The following YIPF1 variants were observed in gnomAD, a reference collection of about 807,000 sequenced individuals.
YIPF1 encodes protein YIPF1.
Under a neutral mutation model 37.0 loss-of-function variants are expected in YIPF1, and 22 were observed. That is an observed-to-expected ratio of 0.59 (90% CI 0.42 to 0.85). The LOEUF is 0.85. Among genes scored for constraint, YIPF1 ranks in the 40% least tolerant of loss-of-function variants. YIPF1 has a pLI of 0.00. For missense variants in YIPF1, 355 were observed against 373.1 expected (o/e 0.95, Z 0.40); for synonymous variants, 128 against 131.9 (o/e 0.97, Z 0.21).
chr1:53,860,237 T>G, intron 9 of YIPF1, 84 bp from the exon 10 acceptor site: 1 of 1,281,812 alleles, frequency 7.8e-7, no homozygotes, highest in Non-Finnish European at 1.1e-6. Flanking sequence ...CTAACAGTAC[T>G]TTTGGACTCT....
chr1:53,860,902 TC>T (rs1204657128), intron 9 of YIPF1, among the ~76,000 whole-genome samples: 2 of 152,152 alleles, frequency 1.3e-5, no homozygotes, highest in East Asian at 3.8e-4. Flanking sequence ...AAAATACCAA[TC>T]TCACTACCCT....
rs1328566115 is a variant in YIPF1 at position 53,883,412 on chromosome 1, A to G, written c.32-136T>C. 3.2e-6 allele frequency: 3 copies of G among 949,060 alleles called. No homozygotes were observed. In the African/African-American group the frequency reaches 5.2e-5, roughly 16 times the overall value. 58.8% of individuals were successfully genotyped at this position (949,060 alleles called of 1,614,324 possible). A position where few individuals can be genotyped will look rare whatever the true frequency, so the allele number is the denominator to read the frequency against. ...CTGATACAAAGGGCAAAAGCTTTGAAAAACAAAAAATCTCATCAGGAGATC... is the reference window on the plus strand; with the variant it reads ...CTGATACAAAGGGCAAAAGCTTTGAGAAACAAAAAATCTCATCAGGAGATC... On this transcript the variant is annotated intron_variant, in intron 3 of 10. Coordinates refer to ENST00000072644, the MANE Select transcript of YIPF1 (RefSeq NM_018982.5).
In YIPF1 at chr1:53,886,372, G is replaced by A. The variant is rs551453934; in HGVS notation, c.31+2535C>T. Among the ~76,000 whole-genome samples, 16 of 152,044 alleles carry A rather than the reference G, an allele frequency of 1.1e-4. 1 individual carries two copies. Among genetic ancestry groups the A allele is most frequent in the African/African-American group, 3.6e-4 (15 of 41,318 alleles). On this transcript the variant is annotated intron_variant, in intron 3 of 10. Transcript: ENST00000072644. ...ATTCTTGTCCATCTCAGCTCCTTGA[G>A]CATAAAACTGGTATGTGTCTTATTT...
At chr1:53,879,768 G>A (rs116171175) in intron 4 of YIPF1, among the ~76,000 whole-genome samples, 1,600 of 152,316 alleles carry the variant, frequency 0.011, 14 homozygotes, top group Non-Finnish European at 0.017. Flanking sequence ...GCTGTGGTCT[G>A]CAGCACTCAC....
At chr1:53,887,923 G>C (rs1363515625) in intron 3 of YIPF1, among the ~76,000 whole-genome samples, 1 of 152,194 alleles carries the variant, frequency 6.6e-6, no homozygotes, top group Non-Finnish European at 1.5e-5. Context: ...TGTTAGGTAA[G>C]GTGTTAATAA....
intron 4 of YIPF1, among the ~76,000 whole-genome samples, chr1:53,881,610 G>C (rs1191853763): frequency 6.6e-6 from 1 of 152,054 alleles, no homozygotes; most frequent in African/African-American, 2.4e-5. Flanking sequence ...ACATATGAAA[G>C]AAAGCTCAAT....
chr1:53,866,818 A>T lies in YIPF1; in HGVS notation c.588T>A (p.Tyr196Ter). ...AGACACACACAATCTCCAGAAATGA[A>T]TAGGAGACGATGTTCATAACTTTGC... ...RNSKVMNIVS[Y>*]SFLEIVCVYG... Residue 196 changes from tyrosine to a stop codon, truncating the protein, a stop_gained, in exon 8 of 11, where the codon TAT becomes TAA. Transcript: ENST00000072644. LOFTEE classifies it high-confidence loss of function. 2 of 1,614,218 alleles carry T rather than the reference A, an allele frequency of 1.2e-6. No individual in the cohort carries two copies. The highest frequency in any genetic ancestry group is 1.7e-6 in the Non-Finnish European group (2 of 1,180,026).
chr1:53,882,971 C>T, intron 4 of YIPF1, 142 bp downstream of exon 4: 1 of 916,900 alleles, frequency 1.1e-6, no homozygotes, highest in South Asian at 2.3e-5. Flanking sequence ...TGCCTGTTTC[C>T]CCCACCAAGG....
intron 3 of YIPF1, among the ~76,000 whole-genome samples, chr1:53,884,851 G>A (rs1650602685): frequency 6.6e-6 from 1 of 152,198 alleles, no homozygotes; most frequent in Non-Finnish European, 1.5e-5. Context: ...TGCCAGCAGG[G>A]CACCATTATA....
chr1:53,865,612 A>G (rs6661911), intron 9 of YIPF1, among the ~76,000 whole-genome samples: 94,664 of 151,770 alleles, frequency 0.62, 30,249 homozygotes, highest in East Asian at 0.86. Context: ...CCCCCATACC[A>G]AGGAACAAAT....
At chr1:53,878,543 T>G in intron 5 of YIPF1, 99 bp downstream of exon 5, 1 of 1,474,508 alleles carries the variant, frequency 6.8e-7, no homozygotes, top group Non-Finnish European at 9.3e-7. Context: ...GTAAGACCAT[T>G]TTCAGTATAT....
At chr1:53,880,761 G>A (rs992808267) in intron 4 of YIPF1, among the ~76,000 whole-genome samples, 20 of 152,148 alleles carry the variant, frequency 1.3e-4, no homozygotes, top group Non-Finnish European at 2.5e-4. Context: ...AAGAATGCAC[G>A]TCTACAACCA....
At chr1:53,855,089 T>C (rs1425807576) in intron 10 of YIPF1, 3 of 150,934 alleles carry the variant, frequency 2.0e-5, no homozygotes, top group Non-Finnish European at 4.4e-5. Context: ...TAGACAAGGC[T>C]TGTGAAATGA....
At chr1:53,879,775 T>C (rs985887228) in intron 4 of YIPF1, among the ~76,000 whole-genome samples, 2 of 152,150 alleles carry the variant, frequency 1.3e-5, no homozygotes, top group Non-Finnish European at 2.9e-5. Context: ...TCTGCAGCAC[T>C]CACAGAGAGG....
intron 8 of YIPF1, 146 bp from the exon 9 acceptor site, chr1:53,866,528 AC>A (rs1650029345): frequency 2.0e-6 from 2 of 979,020 alleles, no homozygotes; most frequent in East Asian, 2.6e-5. Context: ...GAGGAACACC[AC>A]CAGCATGTAG....
At position 53,865,955 on chromosome 1, in the gene YIPF1, C is replaced by T. The variant is rs111801583; in HGVS notation, c.831+245G>A. 3.3e-5 allele frequency among the ~76,000 whole-genome samples: 5 copies of T among 152,120 alleles called. No homozygotes were observed. The South Asian group carries it at 8.3e-4, about 25-fold the overall frequency. ...TGAGGTGGGAGGATCGTTTAAGCCA[C>T]GATGCCCAGCTAATTTTTGTATTTT... On this transcript the variant is annotated intron_variant, in intron 9 of 10. Transcript: ENST00000072644.
Position 53,873,469 on chromosome 1 carries a change from T to C in YIPF1, c.365-1981A>G, listed in dbSNP as rs376924894. Among the ~76,000 whole-genome samples the C allele has an allele frequency of 3.9e-5, 6 of 152,198 alleles. No individual in the cohort carries two copies. The East Asian group carries it at 1.2e-3, about 29-fold the overall frequency. ...GAAGAGATGGGCCAGAGTCAGATCA[T>C]GAAGGGTCTTAGAAGCCCTGTTGAG... is the stretch of plus-strand genomic sequence containing the variant. On this transcript the variant is annotated intron_variant, in intron 6 of 10. Transcript: ENST00000072644.
At chr1:53,874,506 C>T (rs1207083121) in intron 6 of YIPF1, among the ~76,000 whole-genome samples, 1 of 152,166 alleles carries the variant, frequency 6.6e-6, no homozygotes, top group African/African-American at 2.4e-5. Context: ...GTGGTTCACA[C>T]CTATAATCCC....
rs142249295 is a variant in YIPF1, at chr1:53,866,280, G to A, written c.751C>T (p.Arg251Cys). The A allele has an allele frequency of 4.3e-5, 70 of 1,614,012 alleles. No homozygotes were observed. The highest frequency in any genetic ancestry group is 1.6e-4 in the Middle Eastern group (1 of 6,084). The change falls in exon 9 of 11, where the codon CGT (arginine) becomes TGT (cysteine). Residue 251 changes from arginine (R) to cysteine (C), a missense_variant. Arg to Cys is a radical substitution (Grantham distance 180, BLOSUM62 -3). Transcript: ENST00000072644. Reference sequence around the variant, plus strand: ...AATGCAACGCGTCGGTTATCCTCACGAACAGCTGGCCAAAATGTCATTGCC... The same window carrying A: ...AATGCAACGCGTCGGTTATCCTCACAAACAGCTGGCCAAAATGTCATTGCC... ...LLAMTFWPAV[R>C]EDNRRVALAT...
Sources: allele counts gnomAD v4.1 joint callset (sites outside exome capture counted in the v4.1 genomes callset), GRCh38; gene constraint gnomAD v4.1.1; transcripts MANE v1.5; gene names NCBI Gene and HGNC (gene_info 2026-07-23, HGNC 2026-07-21).